Variants in AQR observed in about 807,000 individuals in gnomAD.
The protein encoded by AQR is RNA helicase aquarius.
AQR carries 61 observed loss-of-function variants against 180.5 expected under a neutral mutation model. The ratio of observed to expected loss-of-function variants is 0.34; its 90% CI spans 0.28 to 0.42. AQR has a LOEUF of 0.42. AQR is among the 10% of genes least tolerant of loss of function. The pLI is 1.00. For synonymous variants in AQR, 551 were observed against 588.8 expected (o/e 0.94, Z 0.93); for missense variants, 1,281 against 1,798.3 (o/e 0.71, Z 5.20).
chr15:34,946,387 G>A (rs1007144557), intron 5 of AQR, among the ~76,000 whole-genome samples: 6 of 151,350 alleles, frequency 4.0e-5, no homozygotes, highest in Non-Finnish European at 5.9e-5. Context: ...AGGTCGGGGG[G>A]GTCAGCCCCC....
chr15:34,863,271 A>C (rs991938541), intron 32 of AQR: 1 of 431,154 alleles, frequency 2.3e-6, no homozygotes, highest in Non-Finnish European at 4.1e-6. Context: ...GAGGATCACA[A>C]AATAACCAAT....
chr15:34,927,039 G>A lies in AQR; in HGVS notation c.1114C>T (p.Leu372Phe). ...TAGTTTTTCATGTTGTCTTACCTAA[G>A]AGGTCCAAAAAACTTGACCAAGGAC... ...RESLVKFFGP[L>F]SSNTLHQVAS... Residue 372 changes from leucine (L) to phenylalanine (F), a missense_variant, in exon 13 of 35, where the codon CTT becomes TTT. This residue lies in a region of AQR where 404 missense variants were observed against 490.9 expected (regional missense o/e 0.82). Coordinates refer to ENST00000156471, the MANE Select transcript of AQR (RefSeq NM_014691.3). 1 of 1,559,194 alleles carries A rather than the reference G, an allele frequency of 6.4e-7. No individual in the cohort carries two copies. The highest frequency in any genetic ancestry group is 1.2e-5 in the South Asian group (1 of 82,200).
At chr15:34,885,122 T>C (rs1356082902) in intron 25 of AQR, among the ~76,000 whole-genome samples, 3 of 152,186 alleles carry the variant, frequency 2.0e-5, no homozygotes, top group Non-Finnish European at 1.5e-5. Flanking sequence ...TTCATCTCTG[T>C]TTCTCTCCAT....
At chr15:34,896,572 G>C in intron 22 of AQR, among the ~76,000 whole-genome samples, 1 of 150,980 alleles carries the variant, frequency 6.6e-6, no homozygotes, top group Non-Finnish European at 1.5e-5. Flanking sequence ...GTGTGGCTGA[G>C]TGCGGTGGCT....
Position 34,873,985 on chromosome 15 carries a change from T to C in AQR, c.3440A>G (p.Tyr1147Cys), listed in dbSNP as rs1892858365. ...TCCTAGATTCTTGTATCGCCAGTTG[T>C]AGAGGTTGCACAAGCTTTCCAAAGA... ...GRARASLCNL[Y>C]NWRYKNLGNL... Residue 1147 changes from tyrosine (Y) to cysteine (C), a missense_variant, in exon 30 of 35, where the codon TAC becomes TGC. This residue lies in a region of AQR where 197 missense variants were observed against 320.7 expected (regional missense o/e 0.61). Coordinates refer to ENST00000156471, the MANE Select transcript of AQR (RefSeq NM_014691.3). The C allele has an allele frequency of 6.2e-7, 1 of 1,603,854 alleles. No individual in the cohort carries two copies. The highest frequency in any genetic ancestry group is 1.7e-5 in the Admixed American group (1 of 59,082).
chr15:34,897,545 G>A lies in AQR; in HGVS notation c.2390+14C>T, dbSNP rs1378779830. On this transcript the variant is annotated intron_variant, in intron 21 of 34. Transcript: ENST00000156471. ...ATTGTTCATCATTACAATTATAATAGGTAGTAAAATTACCGTTTGGGTTGA... is the reference window on the plus strand; with the variant it reads ...ATTGTTCATCATTACAATTATAATAAGTAGTAAAATTACCGTTTGGGTTGA... The A allele has an allele frequency of 6.2e-7, 1 of 1,612,236 alleles. No homozygotes were observed. Among genetic ancestry groups the A allele is most frequent in the South Asian group, 1.1e-5 (1 of 90,970 alleles).
intron 11 of AQR, among the ~76,000 whole-genome samples, chr15:34,931,266 G>T (rs1443602944): frequency 1.3e-5 from 2 of 152,112 alleles, no homozygotes; most frequent in Admixed American, 6.5e-5. Flanking sequence ...TGTAGCAGCA[G>T]CATCAACAGA....
chr15:34,870,400 G>A (rs537184651), intron 31 of AQR: 158 of 160,150 alleles, frequency 9.9e-4, no homozygotes, highest in African/African-American at 3.7e-3. Flanking sequence ...TTATTCCCAA[G>A]ACAACCTCCC....
At chr15:34,938,597 A>C in intron 9 of AQR, 140 bp downstream of exon 9, 1 of 572,156 alleles carries the variant, frequency 1.7e-6, no homozygotes, top group Non-Finnish European at 3.1e-6. Context: ...CTGGTAATGT[A>C]TTTAAAAAGG....
intron 5 of AQR, among the ~76,000 whole-genome samples, chr15:34,946,739 C>T (rs1465704220): frequency 1.3e-4 from 19 of 142,324 alleles, no homozygotes; most frequent in Non-Finnish European, 2.2e-4. Flanking sequence ...CCAGCCGCCC[C>T]GTCCGGGAGG....
intron 19 of AQR, among the ~76,000 whole-genome samples, chr15:34,901,725 C>A (rs116134508): frequency 6.6e-6 from 1 of 152,278 alleles, no homozygotes; most frequent in Non-Finnish European, 1.5e-5. Flanking sequence ...CTTACACTTA[C>A]CAGTACCTGA....
intron 14 of AQR, 111 bp from the exon 15 acceptor site, chr15:34,918,489 C>A (rs987326003): frequency 4.5e-5 from 58 of 1,288,202 alleles, no homozygotes; most frequent in Non-Finnish European, 6.0e-5. Flanking sequence ...GTTCAACAAG[C>A]GATTTTTTTT....
In AQR at chr15:34,884,580, A is replaced by G. The variant is rs777051927; in HGVS notation, c.2972T>C (p.Met991Thr). Residue 991 changes from methionine (M) to threonine (T), a missense_variant, in exon 26 of 35, where the codon ATG becomes ACG. Met to Thr is a moderately conservative substitution (Grantham distance 81, BLOSUM62 -1). Transcript: ENST00000156471. ...CCTGAAACATCCTTCAGCAATTTCC[A>G]TGTCTTCTTCATAAGATCTTCCTTT... Reference protein sequence around the residue: ...IFKGRSYEEDMEIAEGCFRHI... With the variant: ...IFKGRSYEEDTEIAEGCFRHI... The G allele has an allele frequency of 6.2e-7, 1 of 1,603,764 alleles. No homozygotes were observed. Among genetic ancestry groups the G allele is most frequent in the Non-Finnish European group, 8.5e-7 (1 of 1,177,564 alleles).
intron 29 of AQR, 92 bp from the exon 30 acceptor site, chr15:34,874,091 C>CT: frequency 7.9e-7 from 1 of 1,268,406 alleles, no homozygotes; most frequent in Non-Finnish European, 1.0e-6. Flanking sequence ...TTCTGTGCTT[C>CT]TTTTAAATTT....
chr15:34,920,978 TA>T (rs1456528601), intron 13 of AQR, among the ~76,000 whole-genome samples: 5 of 151,832 alleles, frequency 3.3e-5, no homozygotes, highest in Non-Finnish European at 7.4e-5. Flanking sequence ...ACAATAATAA[TA>T]ACAATACTAA....
rs56242977 is a variant in AQR, at chr15:34,881,465, A to G, written c.3165+1037T>C. 5.2e-3 allele frequency among the ~76,000 whole-genome samples: 791 copies of G among 152,348 alleles called. 9 individuals are homozygous for G. Among genetic ancestry groups the G allele is most frequent in the Non-Finnish European group, 8.5e-3 (580 of 68,020 alleles). ...TATACAGAACTCTGTTTTAAACAAC[A>G]GACAAACCAGTTGCAGGAAAGTTAA... On this transcript the variant is annotated intron_variant, in intron 27 of 34. Transcript: ENST00000156471.
chr15:34,893,637 A>T, intron 23 of AQR, 26 bp downstream of exon 23: 1 of 1,577,242 alleles, frequency 6.3e-7, no homozygotes, highest in African/African-American at 1.4e-5. Context: ...ACACACACAC[A>T]CACACACACA....
chr15:34,932,417 C>T lies in AQR; in HGVS notation c.801G>A (p.Arg267=). ...MIDLEALLPT[R]RWFNTILDDS... is the part of the protein sequence containing the mutation. ...CATCCAGGATGGTATTAAACCAGCG[C>T]CTTGTGGGTAGCAGGGCCTGGGAAA... Residue 267 remains arginine (R), a synonymous_variant, in exon 11 of 35, where the codon AGG becomes AGA. Coordinates refer to ENST00000156471, the MANE Select transcript of AQR (RefSeq NM_014691.3). 1.3e-6 allele frequency: 2 copies of T among 1,597,256 alleles called. No individual in the cohort carries two copies. Among genetic ancestry groups the T allele is most frequent in the Non-Finnish European group, 1.7e-6 (2 of 1,174,984 alleles).
intron 13 of AQR, among the ~76,000 whole-genome samples, chr15:34,921,234 G>C (rs887011756): frequency 1.3e-5 from 2 of 151,758 alleles, no homozygotes; most frequent in African/African-American, 4.8e-5. Flanking sequence ...AGGAGTTTGA[G>C]ATCAGCCTGG....
Sources: gnomAD v4.1 joint callset for allele counts (sites outside exome capture counted in the v4.1 genomes callset) on GRCh38, gnomAD v4.1.1 for gene constraint, gnomAD v4.1.1 regional missense constraint, MANE v1.5 for transcripts, NCBI Gene and HGNC (gene_info 2026-07-23, HGNC 2026-07-21) for gene names.